CNTNAP5: variants seen among roughly 807,000 people sequenced by gnomAD.
CNTNAP5 encodes the protein contactin associated protein family member 5, also known as contactin-associated protein-like 5.
CNTNAP5 carries 72 observed loss-of-function variants against 150.2 expected under a neutral mutation model. The ratio of observed to expected loss-of-function variants is 0.48; its 90% CI spans 0.40 to 0.58. CNTNAP5 has a LOEUF of 0.58. CNTNAP5 is among the 20% of genes least tolerant of loss of function. The pLI is 0.00. For synonymous variants in CNTNAP5, 672 were observed against 619.8 expected (o/e 1.08, Z -1.25); for missense variants, 1,636 against 1,626.2 (o/e 1.01, Z -0.10).
intron 1 of CNTNAP5, among the ~76,000 whole-genome samples, chr2:124,053,599 A>G (rs1016295822): frequency 1.3e-5 from 2 of 152,202 alleles, no homozygotes; most frequent in Non-Finnish European, 2.9e-5. Flanking sequence ...TGAGAAAACC[A>G]TGGCAATAAC....
At chr2:124,362,080 T>A (rs557283508) in intron 3 of CNTNAP5, among the ~76,000 whole-genome samples, 10 of 152,226 alleles carry the variant, frequency 6.6e-5, no homozygotes, top group Admixed American at 1.3e-4. Context: ...TTCCCGGTGC[T>A]GTCCGTCACC....
chr2:124,409,948 T>C (rs2104768145), intron 3 of CNTNAP5, among the ~76,000 whole-genome samples: 1 of 150,140 alleles, frequency 6.7e-6, no homozygotes, highest in South Asian at 2.1e-4. Context: ...GGATAAAGAG[T>C]CAAGAGCTGT....
chr2:124,155,080 T>G (rs1406719031), intron 1 of CNTNAP5, among the ~76,000 whole-genome samples: 1 of 127,680 alleles, frequency 7.8e-6, no homozygotes, highest in Non-Finnish European at 1.7e-5. Flanking sequence ...TTCCCGTTTT[T>G]TTTTTTTTTT....
chr2:124,753,473 T>A (rs918998643), intron 14 of CNTNAP5, among the ~76,000 whole-genome samples: 3 of 152,222 alleles, frequency 2.0e-5, no homozygotes, highest in African/African-American at 7.2e-5. Flanking sequence ...TAGCCATTAC[T>A]CCTGTTTCAC....
intron 12 of CNTNAP5, among the ~76,000 whole-genome samples, chr2:124,633,846 C>G (rs1677916427): frequency 6.6e-6 from 1 of 152,184 alleles, no homozygotes; most frequent in Non-Finnish European, 1.5e-5. Flanking sequence ...TGGAAACCAC[C>G]AAGGCTTATG....
At chr2:124,850,742 G>A (rs1003115451) in intron 19 of CNTNAP5, among the ~76,000 whole-genome samples, 12 of 152,124 alleles carry the variant, frequency 7.9e-5, no homozygotes, top group Non-Finnish European at 1.0e-4. Context: ...CATGGAGAGA[G>A]AGAATGAATG....
rs182068890 is a variant in CNTNAP5, at chr2:124,539,178, C to T, written c.1649+11722C>T. ...TCTGACCTGCAGTAAAAGGTTCTCA[C>T]CTGTGTCTGCAGTGAAATGTAAATT... On this transcript the variant is annotated intron_variant, in intron 10 of 23. Transcript: ENST00000682447. Among the ~76,000 whole-genome samples, 9 of 152,306 alleles carry T rather than the reference C, an allele frequency of 5.9e-5. No individual in the cohort carries two copies. The East Asian group carries it at 1.7e-3, about 29-fold the overall frequency.
intron 1 of CNTNAP5, among the ~76,000 whole-genome samples, chr2:124,182,825 G>T (rs1685241654): frequency 6.6e-6 from 1 of 152,114 alleles, no homozygotes; most frequent in Admixed American, 6.6e-5. Context: ...CCTTGGCTCT[G>T]CTGTTTCTCT....
At chr2:124,650,573 G>A (rs1678300431) in intron 13 of CNTNAP5, among the ~76,000 whole-genome samples, 1 of 152,186 alleles carries the variant, frequency 6.6e-6, no homozygotes, top group South Asian at 2.1e-4. Flanking sequence ...AGAAGCAGAG[G>A]AGGATAGAGG....
At chr2:124,133,296 T>TA (rs985251460) in intron 1 of CNTNAP5, among the ~76,000 whole-genome samples, 12 of 151,550 alleles carry the variant, frequency 7.9e-5, no homozygotes, top group Non-Finnish European at 1.0e-4. Flanking sequence ...CTTTGGTCCT[T>TA]AAAAAAAACA....
rs1657463289 is a variant in CNTNAP5, at chr2:124,504,543, T to C, written c.1314T>C (p.Ala438=). The C allele has an allele frequency of 1.9e-6, 3 of 1,613,660 alleles. No individual in the cohort carries two copies. Among genetic ancestry groups the C allele is most frequent in the Non-Finnish European group, 2.5e-6 (3 of 1,179,790 alleles). ...TTCAGAAAATGACAGAACGCGTAGC[T>C]GAAATCCTCACAGGTACTGTCTGCT... is the stretch of plus-strand genomic sequence containing the variant. ...LVIQKMTERV[A]EILTGSNLND... Residue 438 remains alanine (A), a synonymous_variant, in exon 8 of 24, where the codon GCT becomes GCC. Coordinates refer to ENST00000682447, the MANE Select transcript of CNTNAP5 (RefSeq NM_001367498.1).
intron 3 of CNTNAP5, among the ~76,000 whole-genome samples, chr2:124,408,599 G>C (rs1194829990): frequency 6.6e-6 from 1 of 151,848 alleles, no homozygotes; most frequent in African/African-American, 2.4e-5. Context: ...CAGCCTAACT[G>C]GGAGGCACCC....
chr2:124,692,037 A>G (rs1679310625), intron 13 of CNTNAP5, among the ~76,000 whole-genome samples: 1 of 152,090 alleles, frequency 6.6e-6, no homozygotes, highest in Non-Finnish European at 1.5e-5. Flanking sequence ...GTAAAGAAGC[A>G]CGAATTAGAT....
intron 10 of CNTNAP5, among the ~76,000 whole-genome samples, chr2:124,546,625 A>G (rs75705075): frequency 5.1e-4 from 78 of 152,280 alleles, no homozygotes; most frequent in Non-Finnish European, 9.9e-4. Flanking sequence ...TAGTGTAGAC[A>G]ATGTGGCTTC....
chr2:124,702,595 C>T (rs1481567456), intron 13 of CNTNAP5, among the ~76,000 whole-genome samples: 2 of 151,652 alleles, frequency 1.3e-5, no homozygotes, highest in Admixed American at 1.3e-4. Flanking sequence ...GTTGAGTTTA[C>T]CTGCTTTATT....
intron 11 of CNTNAP5, among the ~76,000 whole-genome samples, chr2:124,574,406 A>G (rs1354483051): frequency 6.6e-6 from 1 of 152,228 alleles, no homozygotes; most frequent in Non-Finnish European, 1.5e-5. Context: ...AATAGTTTCT[A>G]TTTCTTATCT....
At chr2:124,108,647 C>T (rs914883839) in intron 1 of CNTNAP5, among the ~76,000 whole-genome samples, 29 of 152,134 alleles carry the variant, frequency 1.9e-4, no homozygotes, top group African/African-American at 5.8e-4. Context: ...TGAATGTGTT[C>T]AAAGTTAATG....
At chr2:124,845,507 T>C (rs1428861685) in intron 19 of CNTNAP5, among the ~76,000 whole-genome samples, 1 of 151,772 alleles carries the variant, frequency 6.6e-6, no homozygotes, top group Non-Finnish European at 1.5e-5. Flanking sequence ...CATAGAGTGA[T>C]TTAGGAAGGA....
intron 19 of CNTNAP5, among the ~76,000 whole-genome samples, chr2:124,812,782 C>T (rs191353027): frequency 1.7e-4 from 26 of 151,718 alleles, no homozygotes; most frequent in Admixed American, 1.6e-3. Flanking sequence ...TGATTGATGT[C>T]CCATATCTCC....
Sources: allele counts gnomAD v4.1 joint callset (sites outside exome capture counted in the v4.1 genomes callset), GRCh38; gene constraint gnomAD v4.1.1; transcripts MANE v1.5; gene names NCBI Gene and HGNC (gene_info 2026-07-23, HGNC 2026-07-21).